Variants in BICD1 observed in about 807,000 individuals in gnomAD.
The protein encoded by BICD1 is BICD cargo adaptor 1.
BICD1 carries 35 observed loss-of-function variants against 92.5 expected under a neutral mutation model. The observed-to-expected ratio is 0.38, with a 90% CI of 0.29 to 0.50. The LOEUF is 0.50. Ranked by LOEUF, BICD1 falls within the 20% of genes least tolerant of loss-of-function variation. BICD1 has a pLI of 0.93. For missense variants in BICD1, 950 were observed against 1,189.8 expected (o/e 0.80, Z 2.97); for synonymous variants, 429 against 465.1 (o/e 0.92, Z 1.00).
At position 32,313,377 on chromosome 12, in the gene BICD1, T is replaced by C. The variant is rs1348452421; in HGVS notation, c.1005+7255T>C. On this transcript the variant is annotated intron_variant, in intron 4 of 9. Coordinates refer to ENST00000652176, the MANE Select transcript of BICD1 (RefSeq NM_001714.4). The surrounding 1 kb of genome is among the most constrained non-coding windows in gnomAD (Gnocchi z 4.2). ...TTTATATATTTGCTTAATTGGTTGCTGCTTATAACAACTGTATGGGGTAGA... is the reference window on the plus strand; with the variant it reads ...TTTATATATTTGCTTAATTGGTTGCCGCTTATAACAACTGTATGGGGTAGA... 6.6e-6 allele frequency among the ~76,000 whole-genome samples: 1 copy of C among 152,208 alleles called. No individual in the cohort carries two copies. Among genetic ancestry groups the C allele is most frequent in the Non-Finnish European group, 1.5e-5 (1 of 68,030 alleles).
Position 32,333,218 on chromosome 12 carries a change from C to T in BICD1, c.2101-1298C>T, listed in dbSNP as rs374483212. 10 of 985,222 alleles carry T rather than the reference C, an allele frequency of 1.0e-5. No individual in the cohort carries two copies. The East Asian group carries it at 5.7e-4, about 56-fold the overall frequency. The allele number at this position is 985,222 out of a possible 1,614,324, so 61.0% of individuals were successfully genotyped here. On this transcript the variant is annotated intron_variant, in intron 5 of 9. Transcript: ENST00000652176. Reference sequence around the variant, plus strand: ...GTGTCTAAGCTTTTTAAACACTAAACAACTGCCGTTTTTCCCCAGGTCAAT... The same window carrying T: ...GTGTCTAAGCTTTTTAAACACTAAATAACTGCCGTTTTTCCCCAGGTCAAT...
chr12:32,121,584 C>T (rs188129040), intron 1 of BICD1, among the ~76,000 whole-genome samples: 1 of 140,928 alleles, frequency 7.1e-6, no homozygotes, highest in East Asian at 2.1e-4. Flanking sequence ...GAGTCTTGTT[C>T]TGTCTCCAAA....
chr12:32,335,916 A>C (rs1334856425), intron 6 of BICD1, among the ~76,000 whole-genome samples: 1 of 152,114 alleles, frequency 6.6e-6, no homozygotes, highest in East Asian at 1.9e-4. Context: ...TGTATGATGC[A>C]AACTTGGTGC....
At chr12:32,375,453 C>T in intron 9 of BICD1, among the ~76,000 whole-genome samples, 1 of 152,056 alleles carries the variant, frequency 6.6e-6, no homozygotes, top group East Asian at 1.9e-4. Context: ...TTGCTTGAAC[C>T]CAGGAGGCAG....
At chr12:32,110,632 C>A (rs1592310609) in intron 1 of BICD1, among the ~76,000 whole-genome samples, 1 of 151,994 alleles carries the variant, frequency 6.6e-6, no homozygotes. Context: ...CAGCACTGTG[C>A]GCCTGTCACC....
intron 4 of BICD1, among the ~76,000 whole-genome samples, chr12:32,321,537 G>A (rs2136245433): frequency 6.6e-6 from 1 of 152,192 alleles, no homozygotes; most frequent in Middle Eastern, 3.4e-3. Context: ...ATTGTAGGAA[G>A]AGAAATAAGA....
chr12:32,122,293 CCTGA>C (rs749222341), intron 1 of BICD1, among the ~76,000 whole-genome samples: 16 of 152,090 alleles, frequency 1.1e-4, no homozygotes, highest in Non-Finnish European at 1.9e-4. Context: ...TCGAGACCAT[CCTGA>C]CTAACATGGT....
chr12:32,251,233 C>A (rs1221046869), intron 2 of BICD1, among the ~76,000 whole-genome samples: 2 of 152,060 alleles, frequency 1.3e-5, no homozygotes, highest in Non-Finnish European at 2.9e-5. Context: ...GTTATATATG[C>A]ATATGTTAAA....
chr12:32,246,297 G>A (rs1946384028), intron 2 of BICD1, among the ~76,000 whole-genome samples: 1 of 130,148 alleles, frequency 7.7e-6, no homozygotes, highest in East Asian at 2.4e-4. Context: ...GGAACATAGT[G>A]AGAACCCATC....
chr12:32,350,618 A>G (rs111697806), intron 8 of BICD1, among the ~76,000 whole-genome samples: 68 of 152,348 alleles, frequency 4.5e-4, no homozygotes, highest in African/African-American at 1.6e-3. Flanking sequence ...GTTATAGAGC[A>G]GGGAAGCATC....
chr12:32,132,714 A>AG (rs1942595228), intron 1 of BICD1, among the ~76,000 whole-genome samples: 1 of 152,210 alleles, frequency 6.6e-6, no homozygotes, highest in African/African-American at 2.4e-5. Flanking sequence ...GGGGCAGTGG[A>AG]GAGGGAGTCA....
chr12:32,153,473 C>G (rs1943347766), intron 1 of BICD1, among the ~76,000 whole-genome samples: 1 of 152,056 alleles, frequency 6.6e-6, no homozygotes, highest in African/African-American at 2.4e-5. Context: ...ACAAGGCCCA[C>G]CTGGCAGAAG....
intron 2 of BICD1, among the ~76,000 whole-genome samples, chr12:32,275,618 C>A (rs1019306954): frequency 1.3e-5 from 2 of 152,122 alleles, no homozygotes; most frequent in Non-Finnish European, 2.9e-5. Flanking sequence ...ATGTTTGTTA[C>A]GGCTGGAGCT....
chr12:32,342,218 ATATATATATATATATG>A (rs1303541468), intron 8 of BICD1, among the ~76,000 whole-genome samples: 1 of 137,700 alleles, frequency 7.3e-6, no homozygotes, highest in African/African-American at 3.0e-5. Flanking sequence ...ATATATATAT[ATATATATATATATATG>A]TATAGTTTTG....
chr12:32,310,449 A>G (rs1011012799), intron 4 of BICD1, among the ~76,000 whole-genome samples: 2 of 152,184 alleles, frequency 1.3e-5, no homozygotes, highest in Admixed American at 6.5e-5. Flanking sequence ...GAAATCCCCC[A>G]ATGATCAAAG....
intron 5 of BICD1, among the ~76,000 whole-genome samples, chr12:32,333,859 A>G (rs556321968): frequency 2.6e-5 from 4 of 152,372 alleles, no homozygotes; most frequent in Admixed American, 2.6e-4. Flanking sequence ...AACTCATTCA[A>G]CATTTTATAA....
At chr12:32,273,464 G>C (rs982640313) in intron 2 of BICD1, among the ~76,000 whole-genome samples, 1 of 152,158 alleles carries the variant, frequency 6.6e-6, no homozygotes, top group African/African-American at 2.4e-5. Flanking sequence ...GATGTGCTCT[G>C]TGTTTGGGTG....
chr12:32,322,978 T>G (rs2136248148), intron 4 of BICD1, among the ~76,000 whole-genome samples: 1 of 152,338 alleles, frequency 6.6e-6, no homozygotes, highest in African/African-American at 2.4e-5. Flanking sequence ...GCAAATTTGC[T>G]TAATTTTCAA....
Position 32,337,394 on chromosome 12 carries a change from CTTCTAAAT to C in BICD1, c.2253-93_2253-86del, listed in dbSNP as rs1274473167. 27 of 1,035,094 alleles carry C rather than the reference CTTCTAAAT, an allele frequency of 2.6e-5. No homozygotes were observed. Among genetic ancestry groups the C allele is most frequent in the Non-Finnish European group, 3.4e-5 (24 of 706,624 alleles). 64.1% of individuals were successfully genotyped at this position (1,035,094 alleles called of 1,614,324 possible). On this transcript the variant is annotated intron_variant, in intron 6 of 9. Transcript: ENST00000652176. This position sits in a 1 kb window ranked among gnomAD's most constrained non-coding sequence, Gnocchi z 4.7. ...TCTATTGCTAGACCTTTAAACCAGT[CTTCTAAAT>C]TTCTAAATTTCGGTCAAATTTATTA...
Sources: allele counts gnomAD v4.1 joint callset (sites outside exome capture counted in the v4.1 genomes callset), GRCh38; gene constraint gnomAD v4.1.1; non-coding constraint Gnocchi (gnomAD v3.1); transcripts MANE v1.5; gene names NCBI Gene and HGNC (gene_info 2026-07-23, HGNC 2026-07-21).